The following DPP10 variants were observed in gnomAD, a reference collection of about 807,000 sequenced individuals.
DPP10 encodes inactive dipeptidyl peptidase 10.
Under a neutral mutation model 120.9 loss-of-function variants are expected in DPP10, and 33 were observed. That is an observed-to-expected ratio of 0.27 (90% confidence interval 0.21 to 0.37). The LOEUF is 0.37. Among genes scored for constraint, DPP10 ranks in the 10% least tolerant of loss-of-function variants. The pLI, the probability that DPP10 is intolerant of heterozygous loss-of-function variation, is 1.00. For missense variants in DPP10, 816 were observed against 942.8 expected, an observed-to-expected ratio of 0.87 and a Z score of 1.76; for synonymous variants, 337 against 326.1, an observed-to-expected ratio of 1.03 and a Z score of -0.36.
At chr2:115,224,387 G>A (rs548311182) in intron 1 of DPP10, among the ~76,000 whole-genome samples, 1 of 152,254 alleles carries the variant, frequency 6.6e-6, no homozygotes, top group East Asian at 1.9e-4. Context: ...AAAGTAATCT[G>A]TGAATGTAGG....
intron 1 of DPP10, among the ~76,000 whole-genome samples, chr2:114,686,453 A>G (rs1699373851): frequency 6.6e-6 from 1 of 151,940 alleles, no homozygotes; most frequent in Non-Finnish European, 1.5e-5. Context: ...AAACCAGAAT[A>G]TATCTATAGA....
intron 1 of DPP10, among the ~76,000 whole-genome samples, chr2:114,954,318 C>T (rs986997571): frequency 6.6e-6 from 1 of 151,928 alleles, no homozygotes; most frequent in African/African-American, 2.4e-5. Flanking sequence ...CTCCTGACCT[C>T]ATGATCCACC....
At chr2:114,748,338 C>CTTTTTTTTTTTTTTTT (rs1255227047) in intron 1 of DPP10, among the ~76,000 whole-genome samples, 2 of 70,320 alleles carry the variant, frequency 2.8e-5, no homozygotes, top group African/African-American at 6.3e-5. Flanking sequence ...AGGGAATTTT[C>CTTTTTTTTTTTTTTTT]TTTTTTTTTT....
chr2:115,538,039 G>C (rs989556627), intron 5 of DPP10, among the ~76,000 whole-genome samples: 1 of 151,968 alleles, frequency 6.6e-6, no homozygotes, highest in African/African-American at 2.4e-5. Flanking sequence ...CTGCAACACT[G>C]TAGCCTTGAA....
At chr2:115,497,622 A>G (rs1198699512) in intron 3 of DPP10, among the ~76,000 whole-genome samples, 1 of 152,088 alleles carries the variant, frequency 6.6e-6, no homozygotes, top group African/African-American at 2.4e-5. Flanking sequence ...TCATGATGAT[A>G]TGTTCATCAC....
intron 1 of DPP10, among the ~76,000 whole-genome samples, chr2:115,228,776 T>C (rs1054136234): frequency 5.3e-5 from 8 of 152,192 alleles, no homozygotes; most frequent in African/African-American, 1.9e-4. Context: ...TCCACTCATC[T>C]GTTGATGGAC....
intron 5 of DPP10, among the ~76,000 whole-genome samples, chr2:115,557,263 C>T (rs2080273006): frequency 6.6e-6 from 1 of 151,986 alleles, no homozygotes; most frequent in African/African-American, 2.4e-5. Context: ...TGCAACATGA[C>T]ACTACACTAC....
chr2:115,016,266 A>G (rs1355544214), intron 1 of DPP10, among the ~76,000 whole-genome samples: 1 of 152,188 alleles, frequency 6.6e-6, no homozygotes, highest in Non-Finnish European at 1.5e-5. Context: ...AGGATTCCCT[A>G]TTTAATAAAT....
At chr2:115,079,694 A>G (rs1288315724) in intron 1 of DPP10, among the ~76,000 whole-genome samples, 1 of 152,190 alleles carries the variant, frequency 6.6e-6, no homozygotes, top group African/African-American at 2.4e-5. Context: ...AAGGTCAGTC[A>G]TGAGATGAGC....
chr2:115,117,800 C>T (rs1368253379), intron 1 of DPP10, among the ~76,000 whole-genome samples: 1 of 152,084 alleles, frequency 6.6e-6, no homozygotes. Context: ...GACAAGGAAC[C>T]TTAAGGGTCG....
rs375800065 is a variant in DPP10 at position 114,978,921 on chromosome 2, T to C, written c.61-330318T>C. Among the ~76,000 whole-genome samples the C allele has an allele frequency of 2.0e-5, 3 of 152,154 alleles. No homozygotes were observed. In the East Asian group the frequency reaches 5.8e-4, roughly 29 times the overall value. On this transcript the variant is annotated intron_variant, in intron 1 of 25. Coordinates refer to ENST00000410059, the MANE Select transcript of DPP10 (RefSeq NM_020868.6). ...TCCTATCCCTAACACACTGTTGACATTTTCCATGCTGGACCGTATAATTCA... is the reference window on the plus strand; with the variant it reads ...TCCTATCCCTAACACACTGTTGACACTTTCCATGCTGGACCGTATAATTCA...
chr2:115,273,876 C>A (rs1179040953), intron 1 of DPP10, among the ~76,000 whole-genome samples: 1 of 152,144 alleles, frequency 6.6e-6, no homozygotes, highest in Non-Finnish European at 1.5e-5. Flanking sequence ...AATAATAATG[C>A]CATGTGCTTT....
chr2:114,536,550 C>T (rs181447877), intron 1 of DPP10, among the ~76,000 whole-genome samples: 25 of 151,930 alleles, frequency 1.6e-4, no homozygotes, highest in East Asian at 5.8e-4. Context: ...GGACTACAGG[C>T]GCCCGCTACC....
intron 1 of DPP10, among the ~76,000 whole-genome samples, chr2:114,934,129 G>T (rs1460384196): frequency 4.6e-5 from 7 of 152,106 alleles, no homozygotes; most frequent in African/African-American, 1.7e-4. Context: ...CCACTACAAA[G>T]AAATAAATCA....
chr2:114,847,263 C>T lies in DPP10; in HGVS notation c.60+404425C>T, dbSNP rs925078782. 9.2e-5 allele frequency among the ~76,000 whole-genome samples: 14 copies of T among 152,022 alleles called. No homozygotes were observed. In the South Asian group the frequency reaches 1.7e-3, roughly 18 times the overall value. On this transcript the variant is annotated intron_variant, in intron 1 of 25. Coordinates refer to ENST00000410059, the MANE Select transcript of DPP10 (RefSeq NM_020868.6). ...CTCCTTCACAATTTCACACCTGTTT[C>T]GTCTACCTCCCTGTTCCTCAGCCCT...
chr2:115,729,920 C>T (rs1175905133), intron 8 of DPP10, among the ~76,000 whole-genome samples: 5 of 151,974 alleles, frequency 3.3e-5, no homozygotes, highest in Non-Finnish European at 7.4e-5. Context: ...TTGCAAAAAC[C>T]CACAAGTGTG....
chr2:115,166,497 T>C (rs2052860476), intron 1 of DPP10, among the ~76,000 whole-genome samples: 1 of 116,368 alleles, frequency 8.6e-6, no homozygotes, highest in Non-Finnish European at 1.9e-5. Context: ...TATGTAAATA[T>C]TATATATTAT....
intron 1 of DPP10, among the ~76,000 whole-genome samples, chr2:115,001,192 C>A (rs924358382): frequency 2.6e-5 from 4 of 152,094 alleles, no homozygotes; most frequent in Non-Finnish European, 5.9e-5. Flanking sequence ...CAGTGCTAAC[C>A]ATTATCACTT....
At chr2:114,460,262 C>T (rs1344764311) in intron 1 of DPP10, among the ~76,000 whole-genome samples, 1 of 151,924 alleles carries the variant, frequency 6.6e-6, no homozygotes, top group African/African-American at 2.4e-5. Flanking sequence ...GTCTGCTTTT[C>T]TAAAAAAGTA....
Sources: allele counts gnomAD v4.1 joint callset (sites outside exome capture counted in the v4.1 genomes callset), GRCh38; gene constraint gnomAD v4.1.1; transcripts MANE v1.5; gene names NCBI Gene and HGNC (gene_info 2026-07-23, HGNC 2026-07-21).